NR2C1: variants seen among roughly 807,000 people sequenced by gnomAD.
The protein encoded by NR2C1 is nuclear receptor subfamily 2 group C member 1.
In NR2C1, 33 loss-of-function variants were observed where a neutral mutation model predicts 74.8. The observed-to-expected ratio is 0.44, with a 90% confidence interval of 0.33 to 0.59. The LOEUF (loss-of-function observed/expected upper bound fraction) is 0.59, where lower values mean the gene tolerates loss of function less well. Ranked by LOEUF, NR2C1 falls within the 20% of genes least tolerant of loss-of-function variation. The pLI is 0.02. For synonymous variants in NR2C1, 225 were observed against 240.6 expected (o/e 0.94, Z 0.60); for missense variants, 568 against 715.6 (o/e 0.79, Z 2.35).
At chr12:95,052,033 C>A (rs1013961737) in intron 7 of NR2C1, 90 bp from the exon 8 acceptor site, 6 of 801,782 alleles carry the variant, frequency 7.5e-6, no homozygotes, top group Non-Finnish European at 9.2e-6. Context: ...GATATGCCAA[C>A]AAAAGAACAG....
intron 1 of NR2C1, among the ~76,000 whole-genome samples, chr12:95,072,146 G>C (rs186796941): frequency 6.9e-6 from 1 of 145,770 alleles, no homozygotes; most frequent in East Asian, 2.3e-4. Context: ...GGGCGCGGTG[G>C]CTCACGCCTG....
In NR2C1 at chr12:95,050,426, A is replaced by G. The variant is rs571452213; in HGVS notation, c.966-1193T>C. Among the ~76,000 whole-genome samples the G allele has an allele frequency of 1.2e-4, 18 of 152,246 alleles. No homozygotes were observed. The South Asian group carries it at 3.7e-3, about 32-fold the overall frequency. ...GGGGTTCAAGCGGTTCTCCTGCCTC[A>G]GCCTACCAAGTAGCTGGGATTACAG... On this transcript the variant is annotated intron_variant, in intron 8 of 13. Coordinates refer to ENST00000333003, the MANE Select transcript of NR2C1 (RefSeq NM_003297.4).
At chr12:95,038,771 A>T (rs940324526) in intron 10 of NR2C1, among the ~76,000 whole-genome samples, 1 of 152,098 alleles carries the variant, frequency 6.6e-6, no homozygotes, top group Non-Finnish European at 1.5e-5. Context: ...TAATAGACTA[A>T]TTGTTCTCCA....
At chr12:95,036,700 A>G (rs978968337) in intron 10 of NR2C1, among the ~76,000 whole-genome samples, 4 of 151,812 alleles carry the variant, frequency 2.6e-5, no homozygotes, top group African/African-American at 9.7e-5. Flanking sequence ...TAGTAGAGAC[A>G]GGGTTTTGCC....
chr12:95,025,998 G>A (rs541236439), intron 12 of NR2C1, among the ~76,000 whole-genome samples: 1 of 151,632 alleles, frequency 6.6e-6, no homozygotes, highest in Non-Finnish European at 1.5e-5. Flanking sequence ...ACAAGGTCAG[G>A]GGTTCAAGAC....
intron 11 of NR2C1, among the ~76,000 whole-genome samples, chr12:95,029,186 A>G (rs1207163027): frequency 1.3e-5 from 2 of 151,992 alleles, no homozygotes; most frequent in East Asian, 3.9e-4. Flanking sequence ...GGTTCAAGCA[A>G]TCCTCCCACC....
chr12:95,042,177 G>A (rs1008462660), intron 9 of NR2C1, among the ~76,000 whole-genome samples: 8 of 151,714 alleles, frequency 5.3e-5, no homozygotes, highest in Admixed American at 2.6e-4. Context: ...GTATTTTTCT[G>A]GGGAATGACT....
rs530909581 is a variant in NR2C1 at position 95,027,700 on chromosome 12, C to T, written c.1531+687G>A. On this transcript the variant is annotated intron_variant, in intron 12 of 13. Transcript: ENST00000333003. ...GCAGTGAACTGAGATTGCACCACTA[C>T]ACTCCAGCCTGGGCGACAGAGTGAG... 1.0e-3 allele frequency among the ~76,000 whole-genome samples: 156 copies of T among 152,094 alleles called. 1 individual carries two copies. Among genetic ancestry groups the T allele is most frequent in the African/African-American group, 3.7e-3 (152 of 41,478 alleles).
At chr12:95,039,037 C>T (rs554014554) in intron 10 of NR2C1, among the ~76,000 whole-genome samples, 37 of 152,176 alleles carry the variant, frequency 2.4e-4, no homozygotes, top group African/African-American at 8.9e-4. Context: ...AGTTCCAGAT[C>T]AGTCTCAATG....
intron 1 of NR2C1, among the ~76,000 whole-genome samples, chr12:95,069,531 G>A (rs993808116): frequency 1.3e-5 from 2 of 152,152 alleles, no homozygotes; most frequent in Non-Finnish European, 2.9e-5. Flanking sequence ...ATGCTGTATA[G>A]CCTATGTGTA....
At chr12:95,058,284 T>C in intron 5 of NR2C1, 26 bp downstream of exon 5, 1 of 1,567,834 alleles carries the variant, frequency 6.4e-7, no homozygotes, top group Non-Finnish European at 8.6e-7. Flanking sequence ...TTAAAAAGTA[T>C]TTTCTCCTTA....
At chr12:95,066,239 C>G (rs769043501) in intron 2 of NR2C1, among the ~76,000 whole-genome samples, 3 of 152,156 alleles carry the variant, frequency 2.0e-5, no homozygotes, top group African/African-American at 4.8e-5. Context: ...CAGCACCTCA[C>G]GCCTGTAATC....
At chr12:95,041,889 T>G (rs1210899664) in intron 9 of NR2C1, among the ~76,000 whole-genome samples, 1 of 152,230 alleles carries the variant, frequency 6.6e-6, no homozygotes, top group Non-Finnish European at 1.5e-5. Flanking sequence ...AATTAAATGC[T>G]GGCAACAACC....
chr12:95,040,149 C>G (rs1871331655), intron 10 of NR2C1, among the ~76,000 whole-genome samples: 1 of 146,678 alleles, frequency 6.8e-6, no homozygotes, highest in Non-Finnish European at 1.5e-5. Flanking sequence ...AAACAAGAAC[C>G]TAGGGCAGTC....
At position 95,059,986 on chromosome 12, in the gene NR2C1, T is replaced by TGAAAAAAAAAAAA; in HGVS notation, c.286-3_286-2insTTTTTTTTTTTTC. 1 of 1,072,598 alleles carries TGAAAAAAAAAAAA rather than the reference T, an allele frequency of 9.3e-7. No homozygotes were observed. The allele number at this position is 1,072,598 out of a possible 1,614,324, so 66.4% of individuals were successfully genotyped here. Reference sequence around the variant, plus strand: ...GTCTGGAGAATTATCTGTTAGGAGCTAAAAAAAAAAAAAAAAAAAAAGAAA... The same window carrying TGAAAAAAAAAAAA: ...GTCTGGAGAATTATCTGTTAGGAGCTGAAAAAAAAAAAAAAAAAAAAAAAAAAAAAAAAAGAAA... On this transcript the variant is annotated splice_region_variant and splice_polypyrimidine_tract_variant and intron_variant, in intron 3 of 13. Coordinates refer to ENST00000333003, the MANE Select transcript of NR2C1 (RefSeq NM_003297.4).
chr12:95,073,342 C>T (rs963353345), intron 1 of NR2C1, 38 bp downstream of exon 1: 1 of 152,272 alleles, frequency 6.6e-6, no homozygotes, highest in African/African-American at 2.4e-5. Context: ...CCCCCGCCCC[C>T]GACGCGGTCG....
At chr12:95,073,032 G>A (rs879518342) in intron 1 of NR2C1, 4 of 152,272 alleles carry the variant, frequency 2.6e-5, no homozygotes, top group Non-Finnish European at 5.9e-5. Flanking sequence ...GGGGAAAGCT[G>A]CAGCGCCGCG....
At chr12:95,043,929 A>C (rs571440125) in intron 9 of NR2C1, among the ~76,000 whole-genome samples, 1 of 152,010 alleles carries the variant, frequency 6.6e-6, no homozygotes, top group African/African-American at 2.4e-5. Context: ...AATGTTTCAT[A>C]ATCTGTTCTA....
At chr12:95,049,834 C>T (rs1270235967) in intron 8 of NR2C1, among the ~76,000 whole-genome samples, 1 of 152,170 alleles carries the variant, frequency 6.6e-6, no homozygotes, top group Non-Finnish European at 1.5e-5. Flanking sequence ...CTCCCTGTGT[C>T]AGCAAGGCTG....
Sources: allele counts gnomAD v4.1 joint callset (sites outside exome capture counted in the v4.1 genomes callset), GRCh38; gene constraint gnomAD v4.1.1; transcripts MANE v1.5; gene names NCBI Gene and HGNC (gene_info 2026-07-23, HGNC 2026-07-21).